SEC61A2: variants seen among roughly 807,000 people sequenced by gnomAD.
The protein encoded by SEC61A2 is SEC61 translocon subunit alpha 2.
SEC61A2 carries 28 observed loss-of-function variants against 59.9 expected under a neutral mutation model. That is an observed-to-expected ratio of 0.47 (90% CI 0.35 to 0.64). The LOEUF (loss-of-function observed/expected upper bound fraction) is 0.64. SEC61A2 is among the 30% of genes least tolerant of loss of function. The pLI is 0.01. For missense variants in SEC61A2, 340 were observed against 585.9 expected, an observed-to-expected ratio of 0.58 and a Z score of 4.33; for synonymous variants, 202 against 214.4, an observed-to-expected ratio of 0.94 and a Z score of 0.50.
At position 12,152,262 on chromosome 10, in the gene SEC61A2, T is replaced by C. The variant is rs1834292483; in HGVS notation, c.462+2301T>C. Among the ~76,000 whole-genome samples the C allele has an allele frequency of 6.6e-6, 1 of 152,038 alleles. No individual in the cohort carries two copies. The highest frequency in any genetic ancestry group is 2.4e-5 in the African/African-American group (1 of 41,416). The stretch of plus-strand genomic sequence containing the variant: ...CGTCCAGCTAGTTGTGTATTTTTAG[T>C]AGAGATGGGATTTTGCCGTGTTGGC... On this transcript the variant is annotated intron_variant, in intron 6 of 11. Coordinates refer to ENST00000298428, the MANE Select transcript of SEC61A2 (RefSeq NM_018144.4). This position sits in a 1 kb window ranked among gnomAD's most constrained non-coding sequence, Gnocchi z 5.5.
intron 4 of SEC61A2, among the ~76,000 whole-genome samples, chr10:12,148,387 A>C (rs1232449624): frequency 6.6e-6 from 1 of 151,718 alleles, no homozygotes; most frequent in African/African-American, 2.4e-5. Flanking sequence ...CTGGGATTAC[A>C]GGCATGCACC....
chr10:12,165,531 T>C (rs924910395), downstream of SEC61A2: 5 of 215,098 alleles, frequency 2.3e-5, no homozygotes, highest in South Asian at 1.7e-4. Flanking sequence ...GATAGATAGA[T>C]AGTGACCAAC....
chr10:12,144,149 T>C (rs1564410094), intron 4 of SEC61A2, among the ~76,000 whole-genome samples: 1 of 152,114 alleles, frequency 6.6e-6, no homozygotes, highest in Non-Finnish European at 1.5e-5. Flanking sequence ...TGGCAGATTT[T>C]TTTTTGATGT....
At chr10:12,169,368 C>T (rs1476491981), downstream of SEC61A2, 24 of 1,383,170 alleles carry the variant, frequency 1.7e-5, no homozygotes, top group Non-Finnish European at 2.3e-5. This position sits in a 1 kb window ranked among gnomAD's most constrained non-coding sequence, Gnocchi z 4.8. Flanking sequence ...CCTACGTCAC[C>T]CTGCTTTCCA....
At position 12,152,138 on chromosome 10, in the gene SEC61A2, C is replaced by T. The variant is rs575607819; in HGVS notation, c.462+2177C>T. On this transcript the variant is annotated intron_variant, in intron 6 of 11. Coordinates refer to ENST00000298428, the MANE Select transcript of SEC61A2 (RefSeq NM_018144.4). The surrounding 1 kb of genome is among the most constrained non-coding windows in gnomAD (Gnocchi z 5.5). Reference sequence around the variant, plus strand: ...CTGCTCTGTCTCCCAGACTAAAGTGCAGTGGTGCAATCTTGGCTCACTGCA... The same window carrying T: ...CTGCTCTGTCTCCCAGACTAAAGTGTAGTGGTGCAATCTTGGCTCACTGCA... Among the ~76,000 whole-genome samples the T allele has an allele frequency of 6.7e-6, 1 of 150,176 alleles. No homozygotes were observed. The highest frequency in any genetic ancestry group is 1.5e-5 in the Non-Finnish European group (1 of 67,612).
In SEC61A2 at chr10:12,152,785, T is replaced by G. The variant is rs1834307417; in HGVS notation, c.462+2824T>G. Among the ~76,000 whole-genome samples the G allele has an allele frequency of 6.6e-6, 1 of 152,096 alleles. No homozygotes were observed. Among genetic ancestry groups the G allele is most frequent in the African/African-American group, 2.4e-5 (1 of 41,422 alleles). On this transcript the variant is annotated intron_variant, in intron 6 of 11. Coordinates refer to ENST00000298428, the MANE Select transcript of SEC61A2 (RefSeq NM_018144.4). The surrounding 1 kb of genome is among the most constrained non-coding windows in gnomAD (Gnocchi z 5.5). ...GCAGGAGCCTGTAGTCCCAGCTATTTGGGAGGCTGAGGCCGAACCCAGGAG... is the reference window on the plus strand; with the variant it reads ...GCAGGAGCCTGTAGTCCCAGCTATTGGGGAGGCTGAGGCCGAACCCAGGAG...
chr10:12,169,312 G>C (rs1834793946), downstream of SEC61A2: 3 of 1,555,168 alleles, frequency 1.9e-6, no homozygotes, highest in East Asian at 7.1e-5. The surrounding 1 kb of genome is among the most constrained non-coding windows in gnomAD (Gnocchi z 4.8). Flanking sequence ...TTACAAAAAG[G>C]ATACTCTTCT....
At chr10:12,169,010 A>C (rs552433528), downstream of SEC61A2, among the ~76,000 whole-genome samples, 1 of 152,002 alleles carries the variant, frequency 6.6e-6, no homozygotes, top group South Asian at 2.1e-4. This position sits in a 1 kb window ranked among gnomAD's most constrained non-coding sequence, Gnocchi z 4.8. Context: ...TGATCAGCCT[A>C]CCTCGGCCTC....
rs981619097 is a variant in SEC61A2 at position 12,152,530 on chromosome 10, T to C, written c.462+2569T>C. Among the ~76,000 whole-genome samples the C allele has an allele frequency of 1.3e-5, 2 of 152,088 alleles. No individual in the cohort carries two copies. Among genetic ancestry groups the C allele is most frequent in the African/African-American group, 4.8e-5 (2 of 41,406 alleles). ...ATTCCAGCACTTTGAGAGGCCGAGATGGGCAGTTCACTTGAGGTCAGGAGT... is the reference window on the plus strand; with the variant it reads ...ATTCCAGCACTTTGAGAGGCCGAGACGGGCAGTTCACTTGAGGTCAGGAGT... On this transcript the variant is annotated intron_variant, in intron 6 of 11. Transcript: ENST00000298428. This position sits in a 1 kb window ranked among gnomAD's most constrained non-coding sequence, Gnocchi z 5.5.
chr10:12,167,947 G>A, downstream of SEC61A2: 1 of 1,430,710 alleles, frequency 7.0e-7, no homozygotes, highest in Non-Finnish European at 9.1e-7. Flanking sequence ...GTTTTTTTTG[G>A]TCTATAAGGA....
intron 3 of SEC61A2, among the ~76,000 whole-genome samples, chr10:12,138,383 G>A (rs1833936262): frequency 6.6e-6 from 1 of 152,076 alleles, no homozygotes. Flanking sequence ...AGTCAACCTT[G>A]TGGAGGTATA....
rs116370892 is a variant in SEC61A2 at position 12,151,983 on chromosome 10, T to C, written c.462+2022T>C. The stretch of plus-strand genomic sequence containing the variant: ...AACATGATTATTTAATGAGTGTGAC[T>C]TATATCCAGGAAAGTTATGCTGTTC... On this transcript the variant is annotated intron_variant, in intron 6 of 11. Coordinates refer to ENST00000298428, the MANE Select transcript of SEC61A2 (RefSeq NM_018144.4). Among the ~76,000 whole-genome samples, 796 of 152,320 alleles carry C rather than the reference T, an allele frequency of 5.2e-3. 12 individuals are homozygous for C. The highest frequency in any genetic ancestry group is 0.018 in the African/African-American group (744 of 41,568).
At chr10:12,140,546 C>G (rs746518569) in intron 3 of SEC61A2, among the ~76,000 whole-genome samples, 6 of 152,292 alleles carry the variant, frequency 3.9e-5, no homozygotes, top group African/African-American at 9.6e-5. Context: ...TCCCACAGAG[C>G]GCCTAACCAT....
rs746613782 is a variant in SEC61A2 at position 12,143,109 on chromosome 10, T to A, written c.142-8T>A. The A allele has an allele frequency of 6.2e-7, 1 of 1,601,094 alleles. No individual in the cohort carries two copies. The highest frequency in any genetic ancestry group is 8.6e-7 in the Non-Finnish European group (1 of 1,168,188). On this transcript the variant is annotated splice_region_variant and splice_polypyrimidine_tract_variant and intron_variant, in intron 3 of 11. Transcript: ENST00000298428. The surrounding 1 kb of genome is among the most constrained non-coding windows in gnomAD (Gnocchi z 4.8). ...CAGTTTCATAAACTATTTTGTGTACTATTTTAGATCCCACTGTTTGGAATC... is the reference window on the plus strand; with the variant it reads ...CAGTTTCATAAACTATTTTGTGTACAATTTTAGATCCCACTGTTTGGAATC...
intron 8 of SEC61A2, 58 bp from the exon 9 acceptor site, chr10:12,157,850 C>G (rs1378408520): frequency 4.7e-6 from 7 of 1,502,342 alleles, no homozygotes; most frequent in Non-Finnish European, 3.7e-6. Context: ...CCTCTCTGGT[C>G]TCTGTTCTTT....
chr10:12,141,684 C>A (rs1425835058), intron 3 of SEC61A2, among the ~76,000 whole-genome samples: 1 of 152,160 alleles, frequency 6.6e-6, no homozygotes, highest in African/African-American at 2.4e-5. Context: ...TTTACAGTGT[C>A]ATAGTTTATA....
chr10:12,161,937 T>TTA lies in SEC61A2; in HGVS notation c.1168-275_1168-274dup, dbSNP rs1326871832. ...TTGGTTCCCAAAAGGTAAAAAATTC[T>TTA]TAGATATTACAGTGGTTTGCAACCC... On this transcript the variant is annotated intron_variant, in intron 10 of 11. Transcript: ENST00000298428. The surrounding 1 kb of genome is among the most constrained non-coding windows in gnomAD (Gnocchi z 5.4). Among the ~76,000 whole-genome samples, 3 of 152,152 alleles carry TTA rather than the reference T, an allele frequency of 2.0e-5. No homozygotes were observed. The highest frequency in any genetic ancestry group is 4.4e-5 in the Non-Finnish European group (3 of 68,028).
At chr10:12,136,014 G>T in intron 2 of SEC61A2, 91 bp from the exon 3 acceptor site, 2 of 794,318 alleles carry the variant, frequency 2.5e-6, no homozygotes, top group Non-Finnish European at 2.2e-6. Context: ...TGTGAATTAG[G>T]CCCCAAAGAA....
In SEC61A2 at chr10:12,157,977, C is replaced by G; in HGVS notation, c.847C>G (p.Leu283Val). The change falls in exon 9 of 12, where the codon CTC becomes GTC. Residue 283 changes from leucine (L) to valine (V), a missense_variant. Leu to Val is a conservative substitution (Grantham distance 32). This residue lies in a region of SEC61A2 where 283 missense variants were observed against 483.2 expected (regional missense o/e 0.59). Coordinates refer to ENST00000298428, the MANE Select transcript of SEC61A2 (RefSeq NM_018144.4). The stretch of plus-strand genomic sequence containing the variant: ...ACAGTACAGCAGCTACCCCATCAAA[C>G]TCTTCTACACCTCCAACATCCCCAT... The part of the protein sequence containing the change: ...RGQYSSYPIK[L>V]FYTSNIPIIL... The G allele has an allele frequency of 6.2e-7, 1 of 1,614,190 alleles. No homozygotes were observed. Among genetic ancestry groups the G allele is most frequent in the Non-Finnish European group, 8.5e-7 (1 of 1,180,028 alleles).
Sources: allele counts gnomAD v4.1 joint callset (sites outside exome capture counted in the v4.1 genomes callset), GRCh38; gene constraint gnomAD v4.1.1; regional missense constraint gnomAD v4.1.1; non-coding constraint Gnocchi (gnomAD v3.1); transcripts MANE v1.5; gene names NCBI Gene and HGNC (gene_info 2026-07-23, HGNC 2026-07-21).